The following SPON1 variants were observed in gnomAD, a reference collection of about 807,000 sequenced individuals.
SPON1 encodes the protein spondin-1.
A neutral mutation model predicts 111.7 loss-of-function variants in SPON1; 52 were observed. The observed-to-expected ratio is 0.47, with a 90% CI of 0.37 to 0.59. The LOEUF (loss-of-function observed/expected upper bound fraction) is 0.59. SPON1 is among the 20% of genes least tolerant of loss of function. The pLI is 0.00. For synonymous variants in SPON1, 410 were observed against 395.8 expected, an observed-to-expected ratio of 1.04 and a Z score of -0.43; for missense variants, 957 against 1,068.5, an observed-to-expected ratio of 0.90 and a Z score of 1.46.
chr11:14,223,996 CTG>C (rs1156771220), intron 6 of SPON1, among the ~76,000 whole-genome samples: 1 of 152,234 alleles, frequency 6.6e-6, no homozygotes, highest in African/African-American at 2.4e-5. Context: ...CCTTATTTCT[CTG>C]AGCCATTTCT....
In SPON1 at chr11:14,260,670, G is replaced by T. The variant is rs373343915; in HGVS notation, c.1914G>T (p.Gln638His). Residue 638 changes from glutamine to histidine, a missense_variant, in exon 14 of 16, where the codon CAG becomes CAT. By Grantham distance (24) the Gln-to-His change is conservative (BLOSUM62 0). Around this residue, in one of 5 missense-constraint regions of SPON1, gnomAD observed 549 missense variants for 606.2 expected, o/e 0.91. Transcript: ENST00000576479. ...GCGGGAAGGGCATGCGAACCCGACA[G>T]CGGATGCTCAAGTCTCTGGCAGAAC... ...VTCGKGMRTR[Q>H]RMLKSLAELG... is the part of the protein sequence containing the mutation. 6.1e-5 allele frequency: 98 copies of T among 1,614,006 alleles called. No homozygotes were observed. Among genetic ancestry groups the T allele is most frequent in the Non-Finnish European group, 8.0e-5 (94 of 1,179,892 alleles).
chr11:14,052,656 G>C (rs1564894293), intron 3 of SPON1, among the ~76,000 whole-genome samples: 1 of 152,192 alleles, frequency 6.6e-6, no homozygotes, highest in Admixed American at 6.5e-5. Context: ...GGAAGACTCA[G>C]ATACCCCAGA....
intron 6 of SPON1, among the ~76,000 whole-genome samples, chr11:14,152,026 A>G (rs1383450860): frequency 6.6e-6 from 1 of 152,152 alleles, no homozygotes; most frequent in African/African-American, 2.4e-5. Flanking sequence ...TCCAGACCAT[A>G]TTGTAACCCC....
chr11:13,980,123 C>T (rs1250547260), intron 1 of SPON1, among the ~76,000 whole-genome samples: 1 of 152,092 alleles, frequency 6.6e-6, no homozygotes, highest in Non-Finnish European at 1.5e-5. Context: ...TCACTGCAAC[C>T]TCTGCCTCCT....
chr11:14,112,596 G>T (rs1462604390), intron 5 of SPON1, among the ~76,000 whole-genome samples: 1 of 152,208 alleles, frequency 6.6e-6, no homozygotes, highest in Non-Finnish European at 1.5e-5. Context: ...TATATTCAGT[G>T]TTATATACTT....
intron 6 of SPON1, among the ~76,000 whole-genome samples, chr11:14,139,398 G>A (rs1361581801): frequency 1.3e-5 from 2 of 152,096 alleles, no homozygotes; most frequent in African/African-American, 4.8e-5. Context: ...TTCTCCTATT[G>A]TTAGCATCAT....
intron 3 of SPON1, among the ~76,000 whole-genome samples, chr11:14,051,834 C>G (rs1848709976): frequency 6.6e-6 from 1 of 152,172 alleles, no homozygotes; most frequent in African/African-American, 2.4e-5. Context: ...AACCACTATG[C>G]TAAATGCATT....
At chr11:14,081,114 T>C (rs972210389) in intron 5 of SPON1, among the ~76,000 whole-genome samples, 24 of 152,096 alleles carry the variant, frequency 1.6e-4, no homozygotes, top group African/African-American at 5.8e-4. Flanking sequence ...CATAACATTG[T>C]TATCAAGATA....
At chr11:14,103,358 C>T (rs1029216726) in intron 5 of SPON1, among the ~76,000 whole-genome samples, 2 of 152,150 alleles carry the variant, frequency 1.3e-5, no homozygotes, top group Non-Finnish European at 2.9e-5. Flanking sequence ...CCTGAGAGGG[C>T]TTTATGCTGC....
chr11:14,102,187 C>G (rs1351421584), intron 5 of SPON1, among the ~76,000 whole-genome samples: 1 of 151,978 alleles, frequency 6.6e-6, no homozygotes, highest in African/African-American at 2.4e-5. Context: ...TCAAATTATA[C>G]TCATTATACC....
intron 2 of SPON1, among the ~76,000 whole-genome samples, chr11:13,984,128 A>G (rs1276502744): frequency 6.6e-6 from 1 of 152,214 alleles, no homozygotes; most frequent in Non-Finnish European, 1.5e-5. Context: ...TTTGTTGGGT[A>G]CATACCATAT....
chr11:14,113,561 T>C (rs1203728329), intron 5 of SPON1, among the ~76,000 whole-genome samples: 1 of 75,494 alleles, frequency 1.3e-5, no homozygotes, highest in Non-Finnish European at 2.5e-5. Flanking sequence ...TCCTATGTAC[T>C]TTTTAAATTT....
intron 2 of SPON1, among the ~76,000 whole-genome samples, chr11:14,023,359 T>C (rs907686874): frequency 9.2e-5 from 14 of 151,922 alleles, no homozygotes; most frequent in African/African-American, 3.4e-4. Context: ...TTGGGTGCTT[T>C]AGGGTGCTGG....
At chr11:13,998,921 A>G (rs1554912142) in intron 2 of SPON1, among the ~76,000 whole-genome samples, 3 of 152,212 alleles carry the variant, frequency 2.0e-5, no homozygotes, top group African/African-American at 7.2e-5. Context: ...GAACTTTTTC[A>G]TGTATCTATT....
intron 2 of SPON1, among the ~76,000 whole-genome samples, chr11:14,026,096 C>T (rs1554915275): frequency 6.6e-6 from 1 of 152,254 alleles, no homozygotes; most frequent in African/African-American, 2.4e-5. Flanking sequence ...TCCCTTCCCA[C>T]AGCTTCCAGC....
At chr11:14,000,516 T>A (rs1848309006) in intron 2 of SPON1, among the ~76,000 whole-genome samples, 1 of 152,326 alleles carries the variant, frequency 6.6e-6, no homozygotes, top group Non-Finnish European at 1.5e-5. Flanking sequence ...GCCTGGCACA[T>A]AATAGGTGTT....
intron 3 of SPON1, among the ~76,000 whole-genome samples, chr11:14,049,724 C>G (rs1848694634): frequency 2.0e-5 from 3 of 152,148 alleles, no homozygotes; most frequent in Non-Finnish European, 4.4e-5. Context: ...CATCCACAAA[C>G]TGAAATCCAG....
chr11:14,028,706 C>T (rs1263337004), intron 2 of SPON1, among the ~76,000 whole-genome samples: 3 of 152,280 alleles, frequency 2.0e-5, no homozygotes, highest in African/African-American at 7.2e-5. Context: ...CTAGCAGCTC[C>T]AGGTCCCCTT....
chr11:14,000,557 C>T (rs1848309248), intron 2 of SPON1, among the ~76,000 whole-genome samples: 1 of 152,094 alleles, frequency 6.6e-6, no homozygotes. Flanking sequence ...ATTGGGTGTG[C>T]TTTTTTGAAA....
Sources: gnomAD v4.1 joint callset for allele counts (sites outside exome capture counted in the v4.1 genomes callset) on GRCh38, gnomAD v4.1.1 for gene constraint, gnomAD v4.1.1 regional missense constraint, MANE v1.5 for transcripts, NCBI Gene and HGNC (gene_info 2026-07-23, HGNC 2026-07-21) for gene names.